ARHGEF16: variants seen among roughly 807,000 people sequenced by gnomAD.
ARHGEF16 encodes the protein Rho guanine exchange factor (GEF) 16.
Under a neutral mutation model 74.1 loss-of-function variants are expected in ARHGEF16, and 59 were observed. The observed-to-expected ratio is 0.80, with a 90% CI of 0.65 to 0.99. ARHGEF16 has a LOEUF of 0.99. ARHGEF16 is among the 50% of genes least tolerant of loss of function. The pLI is 0.00. For synonymous variants in ARHGEF16, 415 were observed against 412.6 expected, an observed-to-expected ratio of 1.01 and a Z score of -0.07; for missense variants, 948 against 986.6, an observed-to-expected ratio of 0.96 and a Z score of 0.52.
intron 10 of ARHGEF16, 101 bp from the exon 11 acceptor site, chr1:3,477,774 C>G: frequency 4.4e-6 from 5 of 1,131,212 alleles, no homozygotes; most frequent in Non-Finnish European, 6.4e-6. Flanking sequence ...TCAGTCCCAC[C>G]TGGTGCTATG....
chr1:3,469,659 C>T (rs965820876), intron 6 of ARHGEF16, 66 bp downstream of exon 6: 3 of 1,591,136 alleles, frequency 1.9e-6, no homozygotes, highest in Non-Finnish European at 2.6e-6. Context: ...CCCGTGGGCA[C>T]CGCACTGTCA....
At position 3,473,022 on chromosome 1, in the gene ARHGEF16, A is replaced by C. The variant is rs1010758854; in HGVS notation, c.1023-56A>C. On this transcript the variant is annotated intron_variant, in intron 6 of 14. Transcript: ENST00000378378. ...TGCAGATGCATGTCTGTGTGTGCAC[A>C]CGTGGGGCCCGACCACCAGGCCCGT... is the stretch of plus-strand genomic sequence containing the variant. 12 of 1,575,828 alleles carry C rather than the reference A, an allele frequency of 7.6e-6. No homozygotes were observed. The African/African-American group carries it at 1.2e-4, about 16-fold the overall frequency.
At position 3,459,594 on chromosome 1, in the gene ARHGEF16, C is replaced by T. The variant is rs191693118; in HGVS notation, c.-19-3472C>T. 1.6e-4 allele frequency among the ~76,000 whole-genome samples: 24 copies of T among 152,280 alleles called. No homozygotes were observed. The East Asian group carries it at 4.5e-3, about 28-fold the overall frequency. ...GATCCGCCCAGGGTGAGGCCCAGAG[C>T]ACTGGGCCCTCTGGAGAGGGAGGAC... On this transcript the variant is annotated intron_variant, in intron 1 of 14. Transcript: ENST00000378378.
rs139024357 is a variant in ARHGEF16 at position 3,478,533 on chromosome 1, G to A, written c.1735G>A (p.Val579Met). 4.1e-4 allele frequency: 660 copies of A among 1,612,640 alleles called. 1 individual carries two copies. The highest frequency in any genetic ancestry group is 4.6e-4 in the Non-Finnish European group (539 of 1,179,860). ...LPGGGNRSSS[V>M]PHPFQVTLLR... is the part of the protein sequence containing the mutation. ...CGGGGGCGGCAACCGTAGCTCCTCC[G>A]TGCCCCACCCCTTCCAGGTGACCCT... Residue 579 changes from valine (V) to methionine (M), a missense_variant, in exon 12 of 15, where the codon GTG (valine) becomes ATG (methionine). Val to Met is a conservative substitution (Grantham distance 21, BLOSUM62 1). Transcript: ENST00000378378.
intron 1 of ARHGEF16, among the ~76,000 whole-genome samples, chr1:3,455,525 C>T (rs534831789): frequency 1.4e-4 from 22 of 152,032 alleles, no homozygotes; most frequent in Non-Finnish European, 2.5e-4. Flanking sequence ...AACAGTATCC[C>T]TTTTGAGATT....
chr1:3,465,409 G>C (rs573470821), intron 2 of ARHGEF16, among the ~76,000 whole-genome samples: 12 of 152,226 alleles, frequency 7.9e-5, no homozygotes, highest in Non-Finnish European at 1.2e-4. Flanking sequence ...GAGTCGGGGT[G>C]GGGGAGGCAA....
At chr1:3,469,200 G>A (rs1213612909) in intron 5 of ARHGEF16, among the ~76,000 whole-genome samples, 1 of 152,168 alleles carries the variant, frequency 6.6e-6, no homozygotes, top group Non-Finnish European at 1.5e-5. Flanking sequence ...AAGGACGGGG[G>A]TCGTTGCCCA....
At chr1:3,465,923 C>T in intron 2 of ARHGEF16, 1 of 563,810 alleles carries the variant, frequency 1.8e-6, no homozygotes, top group Non-Finnish European at 3.1e-6. Context: ...TCAACCCTTC[C>T]TCCTCCTCCA....
At position 3,474,744 on chromosome 1, in the gene ARHGEF16, T is replaced by C. The variant is rs202013038; in HGVS notation, c.1342T>C (p.Tyr448His). Residue 448 changes from tyrosine (Y) to histidine (H), a missense_variant, in exon 9 of 15, where the codon TAC becomes CAC. By Grantham distance (83) the Tyr-to-His change is moderately conservative (BLOSUM62 2). Coordinates refer to ENST00000378378, the MANE Select transcript of ARHGEF16 (RefSeq NM_014448.4). ...CAAGACCCAGGGCCACTCCGAAAGGTACAAGGCTGCCAGCCGTGCACTGAA... is the reference window on the plus strand; with the variant it reads ...CAAGACCCAGGGCCACTCCGAAAGGCACAAGGCTGCCAGCCGTGCACTGAA... ...CLKTQGHSER[Y>H]KAASRALKAI... The C allele has an allele frequency of 6.2e-7, 1 of 1,612,850 alleles. No homozygotes were observed. Among genetic ancestry groups the C allele is most frequent in the African/African-American group, 1.3e-5 (1 of 75,038 alleles).
In ARHGEF16 at chr1:3,465,905, C is replaced by A. The variant is rs1033769043; in HGVS notation, c.589-243C>A. On this transcript the variant is annotated intron_variant, in intron 2 of 14. Transcript: ENST00000378378. ...CGAAACTCTTCTGAGCGTCCCCTCA[C>A]GATGAGTTCAACCCTTCCTCCTCCT... 3 of 529,230 alleles carry A rather than the reference C, an allele frequency of 5.7e-6. No individual in the cohort carries two copies. In the South Asian group the frequency reaches 7.2e-5, roughly 13 times the overall value. The allele number at this position is 529,230 out of a possible 1,614,324, so 32.8% of individuals were successfully genotyped here.
At position 3,463,733 on chromosome 1, in the gene ARHGEF16, C is replaced by T. The variant is rs79847773; in HGVS notation, c.588+61C>T. On this transcript the variant is annotated intron_variant, in intron 2 of 14. Transcript: ENST00000378378. Reference sequence around the variant, plus strand: ...CTGCTAGGCAGAGGGGCGGCCTGGCCGTCTCCACCACCGTCATCTTCTGCA... The same window carrying T: ...CTGCTAGGCAGAGGGGCGGCCTGGCTGTCTCCACCACCGTCATCTTCTGCA... 7.1e-5 allele frequency: 92 copies of T among 1,290,942 alleles called. No homozygotes were observed. In the Middle Eastern group the frequency reaches 8.0e-4, roughly 11 times the overall value. 80.0% of individuals were successfully genotyped at this position (1,290,942 alleles called of 1,614,324 possible). A position where few individuals can be genotyped will look rare whatever the true frequency, so the allele number is the denominator to read the frequency against.
intron 6 of ARHGEF16, among the ~76,000 whole-genome samples, chr1:3,471,301 G>A (rs1569862927): frequency 6.6e-6 from 1 of 152,156 alleles, no homozygotes; most frequent in Admixed American, 6.5e-5. Context: ...GATGATTAGG[G>A]GCCTGTAGTG....
rs549806857 is a variant in ARHGEF16, at chr1:3,477,538, G to C, written c.1474-337G>C. ...CTTGTGCCTAGGAGGCCCAGCGTCT[G>C]CGTAATTGCCACGGAGGGGTGAGGT... On this transcript the variant is annotated intron_variant, in intron 10 of 14. Coordinates refer to ENST00000378378, the MANE Select transcript of ARHGEF16 (RefSeq NM_014448.4). 3.3e-5 allele frequency among the ~76,000 whole-genome samples: 5 copies of C among 151,024 alleles called. No individual in the cohort carries two copies. The South Asian group carries it at 1.1e-3, about 32-fold the overall frequency.
At chr1:3,457,306 C>A (rs1639286226) in intron 1 of ARHGEF16, among the ~76,000 whole-genome samples, 1 of 152,248 alleles carries the variant, frequency 6.6e-6, no homozygotes, top group African/African-American at 2.4e-5. Context: ...GAGGCCGCGC[C>A]CCACTGGGCC....
chr1:3,469,713 GT>G, intron 6 of ARHGEF16, 120 bp downstream of exon 6: 1 of 1,355,032 alleles, frequency 7.4e-7, no homozygotes, highest in Non-Finnish European at 1.0e-6. Context: ...GATGTGGATG[GT>G]TTAGAGCAGC....
intron 1 of ARHGEF16, among the ~76,000 whole-genome samples, chr1:3,460,365 C>T (rs546777220): frequency 1.3e-5 from 2 of 152,274 alleles, no homozygotes; most frequent in East Asian, 1.9e-4. Context: ...GGCAGTCTGG[C>T]CCCATTAGGA....
Position 3,466,155 on chromosome 1 carries a change from T to A in ARHGEF16, c.596T>A (p.Leu199Gln), listed in dbSNP as rs765583778. 9.0e-6 allele frequency: 14 copies of A among 1,548,152 alleles called. No individual in the cohort carries two copies. The highest frequency in any genetic ancestry group is 1.2e-5 in the Non-Finnish European group (14 of 1,145,876). Residue 199 changes from leucine to glutamine, a missense_variant, in exon 3 of 15, where the codon CTG becomes CAG. By Grantham distance (113) the Leu-to-Gln change is moderately radical. Coordinates refer to ENST00000378378, the MANE Select transcript of ARHGEF16 (RefSeq NM_014448.4). ...TGTCTCTCTTTTGTGCAGAAGACGCTGGGGAGGAAACGTGGGCACAAGGGT... is the reference window on the plus strand; with the variant it reads ...TGTCTCTCTTTTGTGCAGAAGACGCAGGGGAGGAAACGTGGGCACAAGGGT... ...TRSPAKNKKT[L>Q]GRKRGHKGSF...
At chr1:3,465,647 G>C (rs1434459543) in intron 2 of ARHGEF16, among the ~76,000 whole-genome samples, 1 of 152,210 alleles carries the variant, frequency 6.6e-6, no homozygotes, top group African/African-American at 2.4e-5. Flanking sequence ...AGCCGAGGAG[G>C]GTGGGCTCCG....
intron 4 of ARHGEF16, among the ~76,000 whole-genome samples, chr1:3,467,924 G>A (rs908829374): frequency 6.6e-6 from 1 of 152,114 alleles, no homozygotes; most frequent in Admixed American, 6.5e-5. Context: ...CGGGGAGGGC[G>A]GGCCCCCACC....
Sources: allele counts gnomAD v4.1 joint callset (sites outside exome capture counted in the v4.1 genomes callset), GRCh38; gene constraint gnomAD v4.1.1; transcripts MANE v1.5; gene names NCBI Gene and HGNC (gene_info 2026-07-23, HGNC 2026-07-21).